Variants in IFI16 observed in about 807,000 individuals in gnomAD.
IFI16 encodes interferon gamma inducible protein 16, also known as gamma-interferon-inducible protein 16.
Under a neutral mutation model 68.4 loss-of-function variants are expected in IFI16, and 49 were observed. That is an observed-to-expected ratio of 0.72 (90% CI 0.57 to 0.91). The LOEUF (loss-of-function observed/expected upper bound fraction) is 0.91. Ranked by LOEUF, IFI16 falls within the 40% of genes least tolerant of loss-of-function variation. IFI16 has a pLI of 0.00. For synonymous variants in IFI16, 307 were observed against 315.0 expected (o/e 0.97, Z 0.27); for missense variants, 878 against 942.9 (o/e 0.93, Z 0.90).
chr1:159,040,554 G>T (rs1654566849), intron 7 of IFI16, among the ~76,000 whole-genome samples: 1 of 152,160 alleles, frequency 6.6e-6, no homozygotes, highest in Admixed American at 6.5e-5. Context: ...CTTTCAATAA[G>T]ATTCCATTAA....
intron 6 of IFI16, among the ~76,000 whole-genome samples, chr1:159,026,820 G>A (rs1259074833): frequency 2.0e-5 from 3 of 152,082 alleles, no homozygotes; most frequent in Non-Finnish European, 2.9e-5. Context: ...TTCTTAGCTT[G>A]GTTGCTGGCC....
At chr1:159,050,885 T>C (rs1351792680) in intron 9 of IFI16, among the ~76,000 whole-genome samples, 1 of 152,202 alleles carries the variant, frequency 6.6e-6, no homozygotes, top group Non-Finnish European at 1.5e-5. Context: ...GCTGCCTTAA[T>C]GATGTTTTTG....
chr1:159,017,669 A>G (rs933573579), intron 4 of IFI16, among the ~76,000 whole-genome samples: 1 of 152,058 alleles, frequency 6.6e-6, no homozygotes, highest in Non-Finnish European at 1.5e-5. Context: ...GTGCCGTGGC[A>G]TAATCTCGGC....
In IFI16 at chr1:159,052,113, T is replaced by C. The variant is rs1270537380; in HGVS notation, c.2085+15T>C. On this transcript the variant is annotated intron_variant, in intron 10 of 11. Coordinates refer to ENST00000295809, the MANE Select transcript of IFI16 (RefSeq NM_001376587.1). Reference sequence around the variant, plus strand: ...AGGTACATAAGGTAAGCCCACACCATTGTTTTATAAAATTTCTCCTGCAAC... The same window carrying C: ...AGGTACATAAGGTAAGCCCACACCACTGTTTTATAAAATTTCTCCTGCAAC... 6.4e-7 allele frequency: 1 copy of C among 1,573,626 alleles called. No homozygotes were observed. The highest frequency in any genetic ancestry group is 1.1e-5 in the South Asian group (1 of 87,850).
In IFI16 at chr1:159,016,085, G is replaced by A. The variant is rs555328358; in HGVS notation, c.381+98G>A. 5 of 749,006 alleles carry A rather than the reference G, an allele frequency of 6.7e-6. No homozygotes were observed. In the South Asian group the frequency reaches 8.5e-5, roughly 13 times the overall value. 46.4% of individuals were successfully genotyped at this position (749,006 alleles called of 1,614,324 possible). ...CTCCAGCAGGCAGTTATTTCTTCAT[G>A]TTTCCCATCAAGTTTCAGATTTACC... On this transcript the variant is annotated intron_variant, in intron 3 of 11. Coordinates refer to ENST00000295809, the MANE Select transcript of IFI16 (RefSeq NM_001376587.1).
At chr1:159,004,336 T>A (rs1012523872), upstream of IFI16, among the ~76,000 whole-genome samples, 2 of 152,050 alleles carry the variant, frequency 1.3e-5, no homozygotes, top group Non-Finnish European at 2.9e-5. Context: ...TTAAGAAATC[T>A]AAATTTCAGT....
chr1:159,027,926 G>A (rs1056403593), intron 6 of IFI16, among the ~76,000 whole-genome samples: 5 of 151,858 alleles, frequency 3.3e-5, no homozygotes, highest in Admixed American at 2.0e-4. Context: ...TTTCACTAAC[G>A]GTCTATGAGT....
At chr1:159,048,876 C>T (rs1477806912) in intron 8 of IFI16, among the ~76,000 whole-genome samples, 2 of 151,240 alleles carry the variant, frequency 1.3e-5, no homozygotes, top group African/African-American at 4.8e-5. Flanking sequence ...CAGCTAAAAA[C>T]CCTGAAAGAT....
At chr1:159,046,618 C>T (rs541074765) in intron 8 of IFI16, among the ~76,000 whole-genome samples, 1 of 151,212 alleles carries the variant, frequency 6.6e-6, no homozygotes, top group South Asian at 2.1e-4. Context: ...TGCTCTCTCA[C>T]CATACATCAG....
At chr1:159,001,860 T>C (rs1243890572), upstream of IFI16, among the ~76,000 whole-genome samples, 7 of 152,216 alleles carry the variant, frequency 4.6e-5, no homozygotes. Flanking sequence ...GTAAAATGTA[T>C]ACCCAAAGAA....
At chr1:159,025,011 T>C (rs1317322189) in intron 6 of IFI16, among the ~76,000 whole-genome samples, 1 of 152,170 alleles carries the variant, frequency 6.6e-6, no homozygotes, top group Non-Finnish European at 1.5e-5. Context: ...TTTAATCTTT[T>C]TTCATCTTTT....
At chr1:159,034,563 G>C (rs74122231) in intron 7 of IFI16, among the ~76,000 whole-genome samples, 5,409 of 152,204 alleles carry the variant, frequency 0.036, 332 homozygotes, top group African/African-American at 0.12. Context: ...TTTTCCAAAT[G>C]AGAAGCTTTG....
chr1:159,034,142 T>C (rs1654173029), intron 7 of IFI16, among the ~76,000 whole-genome samples: 1 of 152,224 alleles, frequency 6.6e-6, no homozygotes, highest in Admixed American at 6.5e-5. Context: ...ATTCTGCATC[T>C]GGAATTGTGG....
At chr1:159,024,166 G>A (rs1653507847) in intron 6 of IFI16, among the ~76,000 whole-genome samples, 1 of 152,292 alleles carries the variant, frequency 6.6e-6, no homozygotes, top group East Asian at 1.9e-4. Context: ...TTGATATTTT[G>A]TCTTAATGGC....
At chr1:159,018,769 C>T in intron 5 of IFI16, 118 bp downstream of exon 5, 1 of 718,824 alleles carries the variant, frequency 1.4e-6, no homozygotes, top group Non-Finnish European at 2.4e-6. Flanking sequence ...ACTCTGAAGA[C>T]TAATGACAGG....
At chr1:159,002,168 G>A (rs191330255), upstream of IFI16, among the ~76,000 whole-genome samples, 5 of 152,172 alleles carry the variant, frequency 3.3e-5, no homozygotes, top group East Asian at 9.6e-4. Context: ...TAAATTAGGT[G>A]GCATGAGTTA....
Position 159,016,666 on chromosome 1 carries a change from C to T in IFI16, c.515C>T (p.Ser172Leu). ...GGCCGTTCCCCATCTCCCAAGACCT[C>T]ATTGTCAGCTCCACCCAACAGTTCT... is the stretch of plus-strand genomic sequence containing the variant. ...AMGRSPSPKT[S>L]LSAPPNSSST... Residue 172 changes from serine (S) to leucine (L), a missense_variant, in exon 4 of 12, where the codon TCA becomes TTA. Ser to Leu is a moderately radical substitution (Grantham distance 145, BLOSUM62 -2). Coordinates refer to ENST00000295809, the MANE Select transcript of IFI16 (RefSeq NM_001376587.1). 6.2e-7 allele frequency: 1 copy of T among 1,614,084 alleles called. No individual in the cohort carries two copies. Among genetic ancestry groups the T allele is most frequent in the Non-Finnish European group, 8.5e-7 (1 of 1,179,992 alleles).
intron 7 of IFI16, among the ~76,000 whole-genome samples, chr1:159,035,434 C>T (rs3768519): frequency 6.6e-6 from 1 of 152,064 alleles, no homozygotes; most frequent in Non-Finnish European, 1.5e-5. Flanking sequence ...ATTTCTAAGT[C>T]CCACCTGCTA....
At chr1:159,045,822 A>G (rs1017111461) in intron 8 of IFI16, among the ~76,000 whole-genome samples, 4 of 151,242 alleles carry the variant, frequency 2.6e-5, no homozygotes, top group Non-Finnish European at 5.9e-5. Flanking sequence ...TTCATTTATT[A>G]TAACTCAAAT....
Sources: gnomAD v4.1 joint callset for allele counts (sites outside exome capture counted in the v4.1 genomes callset) on GRCh38, gnomAD v4.1.1 for gene constraint, MANE v1.5 for transcripts, NCBI Gene and HGNC (gene_info 2026-07-23, HGNC 2026-07-21) for gene names.